The following TRHDE variants were observed in gnomAD, a reference collection of about 807,000 sequenced individuals.
The protein encoded by TRHDE is thyrotropin releasing hormone degrading enzyme, also known as thyrotropin-releasing hormone-degrading ectoenzyme.
Under a neutral mutation model 125.7 loss-of-function variants are expected in TRHDE, and 72 were observed. That is an observed-to-expected ratio of 0.57 (90% confidence interval 0.47 to 0.70). The LOEUF is 0.70. Ranked by LOEUF, TRHDE falls within the 30% of genes least tolerant of loss-of-function variation. The probability of loss-of-function intolerance (pLI) is 0.00; values close to 1 mark genes in which losing one functional copy is unlikely to be tolerated. For synonymous variants in TRHDE, 509 were observed against 509.1 expected (o/e 1.00, Z 0.00); for missense variants, 1,110 against 1,327.1 (o/e 0.84, Z 2.54).
intron 2 of TRHDE, among the ~76,000 whole-genome samples, chr12:72,357,930 A>G (rs1183341403): frequency 6.6e-6 from 1 of 151,596 alleles, no homozygotes; most frequent in African/African-American, 2.4e-5. Context: ...CTCAACAAAA[A>G]AAAGACAACT....
chr12:72,421,037 C>T (rs1180971595), intron 3 of TRHDE, among the ~76,000 whole-genome samples: 1 of 151,376 alleles, frequency 6.6e-6, no homozygotes, highest in African/African-American at 2.4e-5. Flanking sequence ...GGCGCGATCT[C>T]AGCTCACTGC....
At chr12:72,523,811 A>G (rs1384311563) in intron 6 of TRHDE, among the ~76,000 whole-genome samples, 1 of 152,158 alleles carries the variant, frequency 6.6e-6, no homozygotes, top group Non-Finnish European at 1.5e-5. Context: ...CCACTGTCAG[A>G]AGAGTTTGCT....
At chr12:72,407,127 G>A (rs1170689904) in intron 3 of TRHDE, among the ~76,000 whole-genome samples, 4 of 152,144 alleles carry the variant, frequency 2.6e-5, no homozygotes, top group Non-Finnish European at 5.9e-5. Context: ...TTTCTATTCT[G>A]TTGCCTTTGG....
intron 6 of TRHDE, among the ~76,000 whole-genome samples, chr12:72,513,126 G>A (rs28684966): frequency 0.01 from 1,565 of 152,134 alleles, 10 homozygotes; most frequent in Non-Finnish European, 0.017. Context: ...TTAGTACACC[G>A]TTGTTTTTAC....
At chr12:72,563,784 G>A (rs1870299451) in intron 9 of TRHDE, among the ~76,000 whole-genome samples, 3 of 146,080 alleles carry the variant, frequency 2.1e-5, no homozygotes, top group Admixed American at 1.4e-4. Context: ...TAAGACTTTC[G>A]TTCCAGTGAG....
chr12:72,557,143 C>T (rs7964031), intron 7 of TRHDE, among the ~76,000 whole-genome samples: 40,403 of 152,104 alleles, frequency 0.27, 8,083 homozygotes, highest in African/African-American at 0.54. Flanking sequence ...GCACATGGTG[C>T]AATGTTGACA....
At chr12:72,272,062 TTC>T, upstream of TRHDE, 1 of 457,570 alleles carries the variant, frequency 2.2e-6, no homozygotes, top group Non-Finnish European at 4.4e-6. The surrounding 1 kb of genome is among the most constrained non-coding windows in gnomAD (Gnocchi z 6.7). Flanking sequence ...GGCCATCCTT[TTC>T]TCTCCAGCTG....
chr12:72,413,217 T>A (rs865986258), intron 3 of TRHDE, among the ~76,000 whole-genome samples: 38 of 152,060 alleles, frequency 2.5e-4, no homozygotes, highest in South Asian at 8.3e-4. Flanking sequence ...ATAATTTTTT[T>A]AAAAAAATTC....
intron 2 of TRHDE, among the ~76,000 whole-genome samples, chr12:72,198,932 G>GGAGAGAGA (rs111453106): frequency 5.4e-5 from 8 of 147,186 alleles, no homozygotes; most frequent in African/African-American, 2.0e-4. Flanking sequence ...TGGTGAAGCA[G>GGAGAGAGA]GAGAGAGAGA....
chr12:72,655,940 A>G (rs1252866548), intron 17 of TRHDE, among the ~76,000 whole-genome samples: 2 of 152,192 alleles, frequency 1.3e-5, no homozygotes, highest in Non-Finnish European at 2.9e-5. Flanking sequence ...CTCATTTTAT[A>G]GATGAGAAAA....
intron 2 of TRHDE, among the ~76,000 whole-genome samples, chr12:72,146,393 C>A (rs145765255): frequency 6.6e-6 from 1 of 152,178 alleles, no homozygotes; most frequent in African/African-American, 2.4e-5. Flanking sequence ...GCTGCCTCCC[C>A]CATCTGAATT....
chr12:72,348,358 C>T (rs888000152), intron 2 of TRHDE, among the ~76,000 whole-genome samples: 4 of 152,112 alleles, frequency 2.6e-5, no homozygotes, highest in African/African-American at 9.6e-5. Context: ...CACATCTCTT[C>T]TGCATCACCC....
intron 1 of TRHDE, among the ~76,000 whole-genome samples, chr12:72,088,357 G>C (rs567797920): frequency 8.9e-4 from 135 of 152,196 alleles, no homozygotes; most frequent in African/African-American, 3.1e-3. Context: ...GGGAAAAGAA[G>C]ATCTGGGAGA....
chr12:72,487,229 T>G (rs1260427031), intron 5 of TRHDE, among the ~76,000 whole-genome samples: 2 of 152,164 alleles, frequency 1.3e-5, no homozygotes, highest in African/African-American at 4.8e-5. Flanking sequence ...AAGGCTTATT[T>G]AATGAAATAA....
chr12:72,375,826 A>G (rs1010263809), intron 2 of TRHDE, among the ~76,000 whole-genome samples: 1 of 152,210 alleles, frequency 6.6e-6, no homozygotes, highest in Non-Finnish European at 1.5e-5. Flanking sequence ...TGCTTAGTCC[A>G]GGCCCTGATA....
rs773345133 is a variant in TRHDE, at chr12:72,562,953, C to T, written c.1955C>T (p.Thr652Ile). ...YPVITILGNT[T>I]AENRIIITQQ... ...GTTATCACCATCTTGGGAAACACAA[C>T]AGCAGAAAATAGAATAATAATTACC... The change falls in exon 9 of 19, where the codon ACA becomes ATA. Residue 652 changes from threonine to isoleucine, a missense_variant. Transcript: ENST00000261180. 3 of 1,610,356 alleles carry T rather than the reference C, an allele frequency of 1.9e-6. No individual in the cohort carries two copies. The highest frequency in any genetic ancestry group is 2.5e-6 in the Non-Finnish European group (3 of 1,178,004).
At chr12:72,423,477 C>A (rs188563369) in intron 3 of TRHDE, among the ~76,000 whole-genome samples, 1 of 152,094 alleles carries the variant, frequency 6.6e-6, no homozygotes, top group East Asian at 1.9e-4. Flanking sequence ...CCACTCATAA[C>A]GCAGCAAGAG....
intron 3 of TRHDE, among the ~76,000 whole-genome samples, chr12:72,455,600 A>G (rs1381944849): frequency 6.6e-6 from 1 of 152,088 alleles, no homozygotes; most frequent in Non-Finnish European, 1.5e-5. Context: ...AGTGTTGGGG[A>G]TGGAAATTAC....
chr12:72,182,670 G>A (rs989007268), intron 2 of TRHDE, among the ~76,000 whole-genome samples: 3 of 152,110 alleles, frequency 2.0e-5, no homozygotes, highest in Non-Finnish European at 2.9e-5. Flanking sequence ...GAATACCCAA[G>A]GTGTATAGGA....
Sources: allele counts gnomAD v4.1 joint callset (sites outside exome capture counted in the v4.1 genomes callset), GRCh38; gene constraint gnomAD v4.1.1; non-coding constraint Gnocchi (gnomAD v3.1); transcripts MANE v1.5; gene names NCBI Gene and HGNC (gene_info 2026-07-23, HGNC 2026-07-21).